The following EZH1 variants were observed in gnomAD, a reference collection of about 807,000 sequenced individuals.
EZH1 encodes histone-lysine N-methyltransferase EZH1.
In EZH1, 33 loss-of-function variants were observed where a neutral mutation model predicts 100.5. The observed-to-expected ratio is 0.33, with a 90% confidence interval of 0.25 to 0.44. The LOEUF (loss-of-function observed/expected upper bound fraction) is 0.44. Among genes scored for constraint, EZH1 ranks in the 20% least tolerant of loss-of-function variants. The probability of loss-of-function intolerance (pLI) is 1.00; values close to 1 mark genes in which losing one functional copy is unlikely to be tolerated. For missense variants in EZH1, 475 were observed against 928.4 expected, an observed-to-expected ratio of 0.51 and a Z score of 6.35; for synonymous variants, 272 against 313.8, an observed-to-expected ratio of 0.87 and a Z score of 1.41.
In EZH1 at chr17:42,706,248, A is replaced by G. The variant is rs146516355; in HGVS notation, c.1661-63T>C. On this transcript the variant is annotated intron_variant, in intron 15 of 20. Transcript: ENST00000428826. The surrounding 1 kb of genome is among the most constrained non-coding windows in gnomAD (Gnocchi z 4.4). ...AAGCTAATACTGGGGCTTGTGGTTG[A>G]CTCAAGGGACAGCAAAGAAGTAAAT... The G allele has an allele frequency of 4.8e-5, 68 of 1,403,982 alleles. No homozygotes were observed. The African/African-American group carries it at 8.6e-4, about 18-fold the overall frequency. The allele number at this position is 1,403,982 out of a possible 1,614,324, so 87.0% of individuals were successfully genotyped here.
chr17:42,722,625 CAAAAAAAA>C (rs11298431), intron 6 of EZH1, among the ~76,000 whole-genome samples, 162 bp downstream of exon 6: 1 of 104,132 alleles, frequency 9.6e-6, no homozygotes, highest in Non-Finnish European at 1.9e-5. Flanking sequence ...AACTCCGTCT[CAAAAAAAA>C]AAAAAAAAAA....
At chr17:42,737,424 G>A (rs977974831) in intron 1 of EZH1, among the ~76,000 whole-genome samples, 6 of 152,160 alleles carry the variant, frequency 3.9e-5, no homozygotes, top group African/African-American at 1.4e-4. Context: ...AACATGGTGA[G>A]ATCCCATCTC....
At chr17:42,713,140 G>C in intron 11 of EZH1, 69 bp downstream of exon 11, 1 of 1,442,832 alleles carries the variant, frequency 6.9e-7, no homozygotes, top group Non-Finnish European at 9.5e-7. Context: ...TTAAGTGTCA[G>C]GCAGTGATCC....
At chr17:42,709,130 C>G in intron 13 of EZH1, 1 of 585,234 alleles carries the variant, frequency 1.7e-6, no homozygotes, top group South Asian at 2.1e-5. Context: ...AAACACAACC[C>G]CTCCCAAACA....
intron 1 of EZH1, among the ~76,000 whole-genome samples, chr17:42,743,400 G>A (rs1051331094): frequency 1.3e-5 from 2 of 150,694 alleles, no homozygotes; most frequent in Non-Finnish European, 3.0e-5. Flanking sequence ...CAAACTCCTG[G>A]GCTCGAGTGA....
At position 42,718,865 on chromosome 17, in the gene EZH1, C is replaced by T. The variant is rs1413421855; in HGVS notation, c.767+240G>A. Among the ~76,000 whole-genome samples, 1 of 151,990 alleles carries T rather than the reference C, an allele frequency of 6.6e-6. No homozygotes were observed. The highest frequency in any genetic ancestry group is 2.4e-5 in the African/African-American group (1 of 41,364). On this transcript the variant is annotated intron_variant, in intron 8 of 20. Coordinates refer to ENST00000428826, the MANE Select transcript of EZH1 (RefSeq NM_001991.5). The surrounding 1 kb of genome is among the most constrained non-coding windows in gnomAD (Gnocchi z 4.2). The stretch of plus-strand genomic sequence containing the variant: ...TAAGATGGTGCTGGAGTTAACTCTC[C>T]AGAAAAATGGCAGAGTAAATGTTCT...
chr17:42,710,176 G>A (rs1187603013), intron 12 of EZH1, among the ~76,000 whole-genome samples: 1 of 152,178 alleles, frequency 6.6e-6, no homozygotes, highest in African/African-American at 2.4e-5. Flanking sequence ...ACCGCCCCTG[G>A]TCAGAAGCTG....
At chr17:42,737,418 TG>T (rs1461460547) in intron 1 of EZH1, among the ~76,000 whole-genome samples, 6 of 152,260 alleles carry the variant, frequency 3.9e-5, no homozygotes, top group Admixed American at 1.3e-4. Context: ...CTGGACAACA[TG>T]GTGAGATCCC....
chr17:42,735,965 A>T (rs1287655419), intron 1 of EZH1, among the ~76,000 whole-genome samples: 3 of 152,132 alleles, frequency 2.0e-5, no homozygotes, highest in Non-Finnish European at 4.4e-5. Flanking sequence ...AACCTGGGAG[A>T]CAGCGAGACT....
intron 1 of EZH1, among the ~76,000 whole-genome samples, chr17:42,738,046 G>A (rs2054098946): frequency 6.6e-6 from 1 of 151,752 alleles, no homozygotes; most frequent in African/African-American, 2.4e-5. Flanking sequence ...CATGGTGGCG[G>A]GCACCTGTAG....
At chr17:42,743,090 G>A (rs2054207233) in intron 1 of EZH1, among the ~76,000 whole-genome samples, 1 of 151,578 alleles carries the variant, frequency 6.6e-6, no homozygotes. Context: ...GCAGCTCTCG[G>A]ACTCTTGACC....
intron 6 of EZH1, among the ~76,000 whole-genome samples, chr17:42,721,246 C>A (rs1320847523): frequency 3.3e-5 from 5 of 152,162 alleles, no homozygotes; most frequent in African/African-American, 1.2e-4. Flanking sequence ...CACAACAGTG[C>A]CCACAATTGT....
intron 4 of EZH1, among the ~76,000 whole-genome samples, chr17:42,727,236 T>G (rs1468846276): frequency 6.6e-6 from 1 of 152,134 alleles, no homozygotes; most frequent in Admixed American, 6.6e-5. Flanking sequence ...CTTAACCTTA[T>G]TTATTTATTT....
intron 12 of EZH1, among the ~76,000 whole-genome samples, chr17:42,710,457 C>G (rs1289305304): frequency 6.6e-6 from 1 of 152,036 alleles, no homozygotes; most frequent in Non-Finnish European, 1.5e-5. Flanking sequence ...GGGCTATTGG[C>G]CCTTTGTGGG....
intron 11 of EZH1, among the ~76,000 whole-genome samples, 177 bp from the exon 12 acceptor site, chr17:42,712,662 G>A (rs1231433006): frequency 2.6e-5 from 4 of 152,154 alleles, no homozygotes; most frequent in African/African-American, 9.7e-5. Context: ...CTGCATTTTG[G>A]GAGGCCGAGG....
chr17:42,727,076 C>G (rs989158596), intron 4 of EZH1, among the ~76,000 whole-genome samples: 6 of 151,588 alleles, frequency 4.0e-5, no homozygotes, highest in Admixed American at 2.6e-4. Context: ...TCTCAAACTC[C>G]TGGCCTCAAG....
chr17:42,744,094 G>A (rs1231274490), intron 1 of EZH1, among the ~76,000 whole-genome samples: 2 of 151,920 alleles, frequency 1.3e-5, no homozygotes, highest in Non-Finnish European at 2.9e-5. Flanking sequence ...GGTTCCTATC[G>A]GCCTGGGCTA....
chr17:42,721,591 G>A (rs964807325), intron 6 of EZH1, among the ~76,000 whole-genome samples: 13 of 151,286 alleles, frequency 8.6e-5, no homozygotes, highest in Admixed American at 4.0e-4. Context: ...ATCCTTTTAT[G>A]TCCCAACTCC....
chr17:42,703,882 T>G lies in EZH1; in HGVS notation c.2018-62A>C. ...CAGGCAATTCCACAGCTTCTCAGCT[T>G]GAATTTAAAATCAGTTAAATGGTAA... On this transcript the variant is annotated intron_variant, in intron 18 of 20. Coordinates refer to ENST00000428826, the MANE Select transcript of EZH1 (RefSeq NM_001991.5). 3.3e-6 allele frequency: 4 copies of G among 1,208,736 alleles called. No homozygotes were observed. The South Asian group carries it at 4.9e-5, about 15-fold the overall frequency. The allele number at this position is 1,208,736 out of a possible 1,614,324, so 74.9% of individuals were successfully genotyped here. A position where few individuals can be genotyped will look rare whatever the true frequency, so the allele number is the denominator to read the frequency against.
Sources: gnomAD v4.1 joint callset for allele counts (sites outside exome capture counted in the v4.1 genomes callset) on GRCh38, gnomAD v4.1.1 for gene constraint, Gnocchi (gnomAD v3.1) non-coding constraint, MANE v1.5 for transcripts, NCBI Gene and HGNC (gene_info 2026-07-23, HGNC 2026-07-21) for gene names.